Variants in PLEKHD1 observed in about 807,000 individuals in gnomAD.
The protein encoded by PLEKHD1 is pleckstrin homology and coiled-coil domain containing D1.
A neutral mutation model predicts 69.2 loss-of-function variants in PLEKHD1; 51 were observed. That is an observed-to-expected ratio of 0.74 (90% CI 0.59 to 0.93). The LOEUF (loss-of-function observed/expected upper bound fraction) is 0.93. Among genes scored for constraint, PLEKHD1 ranks in the 40% least tolerant of loss-of-function variants. PLEKHD1 has a pLI of 0.00. For missense variants in PLEKHD1, 584 were observed against 641.0 expected (o/e 0.91, Z 0.96); for synonymous variants, 236 against 244.7 (o/e 0.96, Z 0.33).
the PLEKHD1 span, among the ~76,000 whole-genome samples, chr14:69,477,273 G>A: frequency 2.0e-5 from 3 of 152,070 alleles, no homozygotes; most frequent in East Asian, 3.9e-4. Flanking sequence ...TCACTATCAC[G>A]AGAACAGCAC....
In PLEKHD1 at chr14:69,510,584, A is replaced by G. The variant is rs180989998; in HGVS notation, c.555+7705A>G. On this transcript the variant is annotated intron_variant, in intron 6 of 12. Coordinates refer to ENST00000322564, the MANE Select transcript of PLEKHD1 (RefSeq NM_001161498.2). ...TTGCCAGTATATAGGAAAATAATTG[A>G]CTTTGTACATTAATCTTGTATCCTA... Among the ~76,000 whole-genome samples, 3 of 152,266 alleles carry G rather than the reference A, an allele frequency of 2.0e-5. No individual in the cohort carries two copies. The East Asian group carries it at 5.8e-4, about 29-fold the overall frequency.
rs1437332394 is a variant in PLEKHD1 at position 69,485,099 on chromosome 14, C to T, written c.134C>T (p.Ala45Val). The change falls in exon 1 of 13, where the codon GCC becomes GTC. Residue 45 changes from alanine (A) to valine (V), a missense_variant. Physicochemically the swap from Ala to Val is moderately conservative, Grantham distance 64 (BLOSUM62 0). Coordinates refer to ENST00000322564, the MANE Select transcript of PLEKHD1 (RefSeq NM_001161498.2). ...AAGAGGCCTTTCGGCAGGCCGTCGG[C>T]CAAGTGGTCCCGGCGGTGAGTGCGC... ...LWKRPFGRPS[A>V]KWSRRFFIIK... 6.4e-6 allele frequency: 10 copies of T among 1,550,464 alleles called. No homozygotes were observed. The highest frequency in any genetic ancestry group is 8.7e-6 in the Non-Finnish European group (10 of 1,146,582).
At chr14:69,488,118 C>T (rs938093074) in intron 1 of PLEKHD1, among the ~76,000 whole-genome samples, 2 of 152,124 alleles carry the variant, frequency 1.3e-5, no homozygotes, top group Non-Finnish European at 2.9e-5. Flanking sequence ...ATCGGTGGGT[C>T]CCTGACTTAG....
chr14:69,501,022 C>A, intron 4 of PLEKHD1, 75 bp downstream of exon 4: 1 of 1,411,778 alleles, frequency 7.1e-7, no homozygotes, highest in Non-Finnish European at 9.8e-7. Context: ...AACTCCCTGC[C>A]TCTCTGCTGG....
At chr14:69,475,097 G>A in the PLEKHD1 span, among the ~76,000 whole-genome samples, 1 of 152,236 alleles carries the variant, frequency 6.6e-6, no homozygotes, top group African/African-American at 2.4e-5. Flanking sequence ...TAAAGATGGA[G>A]CTAACGCTGG....
the PLEKHD1 span, among the ~76,000 whole-genome samples, chr14:69,475,807 A>G: frequency 6.6e-6 from 1 of 152,052 alleles, no homozygotes; most frequent in Non-Finnish European, 1.5e-5. Flanking sequence ...TTGCACCTTC[A>G]TGTGGTACCT....
At chr14:69,468,205 G>A in the PLEKHD1 span, among the ~76,000 whole-genome samples, 2 of 152,278 alleles carry the variant, frequency 1.3e-5, no homozygotes, top group African/African-American at 2.4e-5. Context: ...GTTCAGAGCC[G>A]TGAGTTAAAC....
At chr14:69,506,206 A>G (rs374759103) in intron 6 of PLEKHD1, among the ~76,000 whole-genome samples, 2 of 152,182 alleles carry the variant, frequency 1.3e-5, no homozygotes, top group African/African-American at 4.8e-5. Context: ...CAGTTATTTG[A>G]AAGCTCTTCC....
intron 7 of PLEKHD1, 57 bp downstream of exon 7, chr14:69,522,434 C>A: frequency 6.6e-7 from 1 of 1,519,954 alleles, no homozygotes; most frequent in East Asian, 2.5e-5. Context: ...GCAGAGCCCA[C>A]CTTCCCCGTC....
At chr14:69,485,983 A>G (rs1882647017) in intron 1 of PLEKHD1, among the ~76,000 whole-genome samples, 3 of 152,220 alleles carry the variant, frequency 2.0e-5, no homozygotes, top group Admixed American at 2.0e-4. Context: ...GACTTGCAGG[A>G]AGCTCCCAAC....
At chr14:69,471,768 C>G in the PLEKHD1 span, among the ~76,000 whole-genome samples, 1 of 152,116 alleles carries the variant, frequency 6.6e-6, no homozygotes. Flanking sequence ...GAACCACCAC[C>G]CATGGTAGTC....
intron 2 of PLEKHD1, 89 bp from the exon 3 acceptor site, chr14:69,500,488 C>T: frequency 1.9e-6 from 2 of 1,070,002 alleles, no homozygotes; most frequent in South Asian, 1.6e-5. Context: ...GGGCACTTGG[C>T]AGGAACTGGC....
At chr14:69,486,160 AT>A (rs1282388649) in intron 1 of PLEKHD1, among the ~76,000 whole-genome samples, 1 of 152,112 alleles carries the variant, frequency 6.6e-6, no homozygotes, top group Admixed American at 6.5e-5. Flanking sequence ...CCCCTTCCCC[AT>A]CCCACACTCT....
At chr14:69,476,655 T>C in the PLEKHD1 span, among the ~76,000 whole-genome samples, 1 of 152,148 alleles carries the variant, frequency 6.6e-6, no homozygotes, top group Non-Finnish European at 1.5e-5. Context: ...AAGAGAAGCA[T>C]TGTAGACTGA....
intron 1 of PLEKHD1, among the ~76,000 whole-genome samples, chr14:69,497,836 G>A (rs993405328): frequency 6.6e-6 from 1 of 152,110 alleles, no homozygotes; most frequent in Non-Finnish European, 1.5e-5. Context: ...TATCAACCCT[G>A]AGCAGGGGCC....
the PLEKHD1 span, among the ~76,000 whole-genome samples, chr14:69,474,132 G>T: frequency 1.3e-5 from 2 of 152,312 alleles, no homozygotes; most frequent in South Asian, 4.1e-4. Flanking sequence ...TCCTTCAAGG[G>T]AAATTCCAGG....
chr14:69,526,149 A>C (rs1174810481), intron 9 of PLEKHD1, 27 bp downstream of exon 9: 3 of 1,529,178 alleles, frequency 2.0e-6, no homozygotes, highest in Non-Finnish European at 2.6e-6. Context: ...CCCTGAAGAC[A>C]CCATTGACTT....
At chr14:69,487,560 C>G (rs1204270844) in intron 1 of PLEKHD1, among the ~76,000 whole-genome samples, 1 of 152,186 alleles carries the variant, frequency 6.6e-6, no homozygotes, top group Non-Finnish European at 1.5e-5. Context: ...TCTATAAAAC[C>G]TTTTCCACTC....
intron 5 of PLEKHD1, chr14:69,502,341 C>A (rs1317372024): frequency 1.5e-5 from 3 of 196,470 alleles, no homozygotes; most frequent in Non-Finnish European, 3.2e-5. Context: ...GACCTTGTGC[C>A]CCTGACAGGT....
Sources: gnomAD v4.1 joint callset for allele counts (sites outside exome capture counted in the v4.1 genomes callset) on GRCh38, gnomAD v4.1.1 for gene constraint, MANE v1.5 for transcripts, NCBI Gene and HGNC (gene_info 2026-07-23, HGNC 2026-07-21) for gene names.